CCDC92B: variants seen among roughly 807,000 people sequenced by gnomAD.
The protein encoded by CCDC92B is coiled-coil domain containing 92B, also known as coiled-coil domain-containing 92B.
A neutral mutation model predicts 5.6 loss-of-function variants in CCDC92B; 2 were observed. That is an observed-to-expected ratio of 0.36 (90% CI 0.15 to 1.12). The LOEUF is 1.12. CCDC92B is among the 50% of genes most tolerant of loss of function. The pLI is 0.40. For synonymous variants in CCDC92B, 115 were observed against 122.3 expected (o/e 0.94, Z 0.39); for missense variants, 271 against 262.2 (o/e 1.03, Z -0.23).
intron 1 of CCDC92B, among the ~76,000 whole-genome samples, chr17:2,741,887 C>T (rs927309567): frequency 3.3e-5 from 5 of 149,532 alleles, no homozygotes; most frequent in African/African-American, 9.9e-5. Flanking sequence ...CCACCGCGCC[C>T]GGCCAGGAGA....
chr17:2,722,295 A>AC lies in CCDC92B; in HGVS notation c.*2115dup, dbSNP rs1335201019. On this transcript the variant is annotated 3_prime_UTR_variant, in exon 4 of 4. Transcript: ENST00000614400. ...GTGAGTTACACACACTTGAGGGGGGACAGAGATGGTACAGGCGCAACCACA... is the reference window on the plus strand; with the variant it reads ...GTGAGTTACACACACTTGAGGGGGGACCAGAGATGGTACAGGCGCAACCACA... 6.6e-6 allele frequency: 1 copy of AC among 151,622 alleles called. No individual in the cohort carries two copies. Among genetic ancestry groups the AC allele is most frequent in the Non-Finnish European group, 1.5e-5 (1 of 68,072 alleles). 9.4% of individuals were successfully genotyped at this position (151,622 alleles called of 1,614,324 possible). A position where few individuals can be genotyped will look rare whatever the true frequency, so the allele number is the denominator to read the frequency against.
At chr17:2,731,319 G>T (rs550888389) in intron 2 of CCDC92B, among the ~76,000 whole-genome samples, 1 of 152,062 alleles carries the variant, frequency 6.6e-6, no homozygotes, top group African/African-American at 2.4e-5. Context: ...AGGTGAGTTT[G>T]ATAATTTTTC....
intron 1 of CCDC92B, among the ~76,000 whole-genome samples, chr17:2,743,883 T>A (rs1361808053): frequency 3.3e-5 from 5 of 152,178 alleles, no homozygotes; most frequent in Non-Finnish European, 7.3e-5. Flanking sequence ...TATGTATTTT[T>A]TTTTATTTTT....
rs555513662 is a variant in CCDC92B at position 2,741,920 on chromosome 17, A to C, written c.-23-6752T>G. Among the ~76,000 whole-genome samples, 29 of 140,542 alleles carry C rather than the reference A, an allele frequency of 2.1e-4. 2 individuals are homozygous for C. In the East Asian group the frequency reaches 3.9e-3, roughly 19 times the overall value. The allele number at this position is 140,542 out of a possible 152,430, so 92.2% of individuals were successfully genotyped here. A position where few individuals can be genotyped will look rare whatever the true frequency, so the allele number is the denominator to read the frequency against. On this transcript the variant is annotated intron_variant, in intron 1 of 3. Transcript: ENST00000614400. ...AGAATCTCTTGAAACCAGGACGCGG[A>C]GGTTGCAGTGAGCCGAGATCACGCC...
chr17:2,727,641 T>G (rs548655615), intron 3 of CCDC92B, among the ~76,000 whole-genome samples: 2 of 151,922 alleles, frequency 1.3e-5, no homozygotes, highest in African/African-American at 2.4e-5. Context: ...CTGGCCAGCA[T>G]GGCGAAACCC....
rs1216961918 is a variant in CCDC92B, at chr17:2,724,133, A to G, written c.*278T>C. 1 of 984,532 alleles carries G rather than the reference A, an allele frequency of 1.0e-6. No individual in the cohort carries two copies. Among genetic ancestry groups the G allele is most frequent in the Admixed American group, 6.2e-5 (1 of 16,224 alleles). 61.0% of individuals were successfully genotyped at this position (984,532 alleles called of 1,614,324 possible). On this transcript the variant is annotated 3_prime_UTR_variant, in exon 4 of 4. Transcript: ENST00000614400. This position sits in a 1 kb window ranked among gnomAD's most constrained non-coding sequence, Gnocchi z 5.0. ...TCCTGTCTCACAGGCAGGTGGGACC[A>G]GGCCAGGATCGGGACGGCGAGTCCT...
Position 2,726,182 on chromosome 17 carries a change from ATT to A in CCDC92B, c.179-1184_179-1183del, listed in dbSNP as rs71150891. On this transcript the variant is annotated intron_variant, in intron 3 of 3. Coordinates refer to ENST00000614400, the MANE Select transcript of CCDC92B (RefSeq NM_001355573.2). ...AGCTAATTTTTGTATATATATATAT[ATT>A]TTTTTTTTTTTGAGATGGAGTCTTG... Among the ~76,000 whole-genome samples, 274 of 142,286 alleles carry A rather than the reference ATT, an allele frequency of 1.9e-3. 6 individuals carry two copies. Among genetic ancestry groups the A allele is most frequent in the East Asian group, 0.013 (63 of 4,876 alleles). The allele number at this position is 142,286 out of a possible 152,430, so 93.3% of individuals were successfully genotyped here.
Position 2,724,749 on chromosome 17 carries a change from G to A in CCDC92B, c.430C>T (p.Leu144=), listed in dbSNP as rs1241629868. 14 of 984,554 alleles carry A rather than the reference G, an allele frequency of 1.4e-5. No individual in the cohort carries two copies. Among genetic ancestry groups the A allele is most frequent in the Non-Finnish European group, 1.7e-5 (14 of 829,524 alleles). The allele number at this position is 984,554 out of a possible 1,614,324, so 61.0% of individuals were successfully genotyped here. The part of the protein sequence containing the change: ...TEAAAYLSCQ[L]HAARQRLQAP... ...TGCAGTCTCTGGCGCGCCGCGTGCA[G>A]CTGGCAGGAGAGGTAGGCGGCCGCC... is the stretch of plus-strand genomic sequence containing the variant. The change falls in exon 4 of 4, where the codon CTG becomes TTG. Residue 144 remains leucine, a synonymous_variant. Coordinates refer to ENST00000614400, the MANE Select transcript of CCDC92B (RefSeq NM_001355573.2). This position sits in a 1 kb window ranked among gnomAD's most constrained non-coding sequence, Gnocchi z 5.0.
chr17:2,745,245 C>T (rs1300994075), intron 1 of CCDC92B, among the ~76,000 whole-genome samples: 1 of 151,940 alleles, frequency 6.6e-6, no homozygotes, highest in Non-Finnish European at 1.5e-5. Flanking sequence ...GTGTGTTTCC[C>T]GATTCTCTTT....
At chr17:2,745,184 C>T (rs78847142) in intron 1 of CCDC92B, among the ~76,000 whole-genome samples, 3 of 151,660 alleles carry the variant, frequency 2.0e-5, no homozygotes, top group African/African-American at 4.8e-5. Context: ...TGTGTGCTTG[C>T]GTATCTGTAT....
Position 2,720,923 on chromosome 17 carries a change from G to A in CCDC92B, c.*3488C>T, listed in dbSNP as rs1039817907. The A allele has an allele frequency of 6.6e-6, 1 of 152,276 alleles. No individual in the cohort carries two copies. Among genetic ancestry groups the A allele is most frequent in the Non-Finnish European group, 1.5e-5 (1 of 68,084 alleles). 9.4% of individuals were successfully genotyped at this position (152,276 alleles called of 1,614,324 possible). ...ATTGGATACAAAAGCGCAGCCAACA[G>A]AGAATTTGGAGCAGGGTCCCTCTGC... On this transcript the variant is annotated 3_prime_UTR_variant, in exon 4 of 4. Coordinates refer to ENST00000614400, the MANE Select transcript of CCDC92B (RefSeq NM_001355573.2).
At chr17:2,744,125 C>T (rs1334916466) in intron 1 of CCDC92B, among the ~76,000 whole-genome samples, 1 of 152,162 alleles carries the variant, frequency 6.6e-6, no homozygotes, top group Admixed American at 6.6e-5. Context: ...ATCCAACCAC[C>T]TCAGCCTCCC....
rs2070692428 is a variant in CCDC92B at position 2,724,070 on chromosome 17, T to C, written c.*341A>G. On this transcript the variant is annotated 3_prime_UTR_variant, in exon 4 of 4. Coordinates refer to ENST00000614400, the MANE Select transcript of CCDC92B (RefSeq NM_001355573.2). This position sits in a 1 kb window ranked among gnomAD's most constrained non-coding sequence, Gnocchi z 5.0. ...CCAGCCCTCCCCACCCCACCAAGGA[T>C]TGTCGGCTTTCCCGGGGAAGGGCGT... 3 of 980,996 alleles carry C rather than the reference T, an allele frequency of 3.1e-6. No individual in the cohort carries two copies. The highest frequency in any genetic ancestry group is 5.2e-4 in the Middle Eastern group (1 of 1,934). 60.8% of individuals were successfully genotyped at this position (980,996 alleles called of 1,614,324 possible). A position where few individuals can be genotyped will look rare whatever the true frequency, so the allele number is the denominator to read the frequency against.
intron 2 of CCDC92B, among the ~76,000 whole-genome samples, chr17:2,733,631 G>A (rs2070822440): frequency 6.6e-6 from 1 of 151,294 alleles, no homozygotes; most frequent in Non-Finnish European, 1.5e-5. Flanking sequence ...GGCCATTCTT[G>A]TCCCCCAGGC....
At chr17:2,741,929 T>C (rs958934043) in intron 1 of CCDC92B, among the ~76,000 whole-genome samples, 5 of 140,038 alleles carry the variant, frequency 3.6e-5, no homozygotes, top group African/African-American at 1.4e-4. Context: ...GAGGTTGCAG[T>C]GAGCCGAGAT....
At chr17:2,738,851 A>C (rs2070886736) in intron 1 of CCDC92B, among the ~76,000 whole-genome samples, 1 of 151,318 alleles carries the variant, frequency 6.6e-6, no homozygotes, top group Non-Finnish European at 1.5e-5. Flanking sequence ...CGGGTGGATC[A>C]CCTGAGGTCA....
intron 2 of CCDC92B, among the ~76,000 whole-genome samples, chr17:2,733,058 A>C (rs1242139699): frequency 1.5e-5 from 2 of 136,524 alleles, no homozygotes; most frequent in African/African-American, 5.2e-5. Flanking sequence ...AAATAAATAA[A>C]TAACTAGTAA....
At chr17:2,731,511 C>T (rs1018551623) in intron 2 of CCDC92B, among the ~76,000 whole-genome samples, 2 of 152,136 alleles carry the variant, frequency 1.3e-5, no homozygotes, top group African/African-American at 2.4e-5. Flanking sequence ...GGAAGGAAGG[C>T]GGCACATCTC....
At chr17:2,734,308 CT>C (rs1425047862) in intron 2 of CCDC92B, among the ~76,000 whole-genome samples, 1 of 152,118 alleles carries the variant, frequency 6.6e-6, no homozygotes, top group Non-Finnish European at 1.5e-5. Flanking sequence ...GCACCTGCTC[CT>C]CAAGCTGGAC....
Sources: gnomAD v4.1 joint callset for allele counts (sites outside exome capture counted in the v4.1 genomes callset) on GRCh38, gnomAD v4.1.1 for gene constraint, Gnocchi (gnomAD v3.1) non-coding constraint, MANE v1.5 for transcripts, NCBI Gene and HGNC (gene_info 2026-07-23, HGNC 2026-07-21) for gene names.